The following NLGN1 variants were observed in gnomAD, a reference collection of about 807,000 sequenced individuals.
NLGN1 encodes neuroligin-1.
NLGN1 carries 12 observed loss-of-function variants against 65.5 expected under a neutral mutation model. The ratio of observed to expected loss-of-function variants is 0.18; its 90% confidence interval spans 0.12 to 0.30. The LOEUF (loss-of-function observed/expected upper bound fraction) is 0.30. Ranked by LOEUF, NLGN1 falls within the 10% of genes least tolerant of loss-of-function variation. The probability of loss-of-function intolerance (pLI) is 1.00; values close to 1 mark genes in which losing one functional copy is unlikely to be tolerated. For missense variants in NLGN1, 750 were observed against 1,007.1 expected (o/e 0.74, Z 3.46); for synonymous variants, 350 against 359.5 (o/e 0.97, Z 0.30).
At chr3:173,558,014 T>C (rs576325406) in intron 2 of NLGN1, among the ~76,000 whole-genome samples, 1 of 152,180 alleles carries the variant, frequency 6.6e-6, no homozygotes, top group Admixed American at 6.5e-5. Context: ...CTATACAATT[T>C]TGGATTAACA....
intron 4 of NLGN1, among the ~76,000 whole-genome samples, chr3:173,971,382 C>T (rs550401379): frequency 2.0e-5 from 3 of 151,738 alleles, no homozygotes; most frequent in Non-Finnish European, 2.9e-5. Context: ...GTGATTGAGA[C>T]AAAAAGAAAT....
intron 2 of NLGN1, among the ~76,000 whole-genome samples, chr3:173,534,413 G>C (rs527728866): frequency 1.2e-3 from 188 of 152,090 alleles, no homozygotes; most frequent in African/African-American, 4.2e-3. Flanking sequence ...AAATCACTGG[G>C]GGCTTTTCTT....
chr3:173,906,564 A>G (rs1215429158), intron 4 of NLGN1, among the ~76,000 whole-genome samples: 9 of 152,166 alleles, frequency 5.9e-5, no homozygotes, highest in Non-Finnish European at 2.9e-5. Context: ...TTGTGATAAA[A>G]TTATTACTAT....
intron 4 of NLGN1, among the ~76,000 whole-genome samples, chr3:174,119,491 A>G (rs147830429): frequency 1.3e-3 from 195 of 152,284 alleles, no homozygotes; most frequent in African/African-American, 4.5e-3. Flanking sequence ...TAGACTGGCT[A>G]AATAGTTTCA....
At chr3:173,720,485 A>G (rs905758406) in intron 3 of NLGN1, among the ~76,000 whole-genome samples, 18 of 152,208 alleles carry the variant, frequency 1.2e-4, no homozygotes, top group African/African-American at 3.9e-4. Flanking sequence ...CTTCCAGTAT[A>G]TCACACATTA....
intron 2 of NLGN1, among the ~76,000 whole-genome samples, chr3:173,558,601 G>A (rs1282196706): frequency 6.6e-6 from 1 of 152,086 alleles, no homozygotes. Flanking sequence ...AGTTCATCTA[G>A]TGAATTATTT....
intron 4 of NLGN1, among the ~76,000 whole-genome samples, chr3:173,997,470 C>T (rs1237510025): frequency 6.6e-6 from 1 of 152,132 alleles, no homozygotes; most frequent in Non-Finnish European, 1.5e-5. Context: ...AATACGTTTA[C>T]AGAATTCTAA....
At chr3:173,536,679 T>C (rs1737486742) in intron 2 of NLGN1, among the ~76,000 whole-genome samples, 1 of 152,222 alleles carries the variant, frequency 6.6e-6, no homozygotes, top group Admixed American at 6.5e-5. Flanking sequence ...TGTTGAATAA[T>C]AGCTAGCTGT....
chr3:173,458,714 G>A (rs1007477419), intron 2 of NLGN1, among the ~76,000 whole-genome samples: 3 of 152,056 alleles, frequency 2.0e-5, no homozygotes, highest in Admixed American at 2.0e-4. Flanking sequence ...AGATACAAGT[G>A]ACTTAAGAAA....
chr3:173,645,136 C>T (rs1758042645), intron 3 of NLGN1, among the ~76,000 whole-genome samples: 1 of 152,220 alleles, frequency 6.6e-6, no homozygotes, highest in African/African-American at 2.4e-5. Context: ...TGGCTGGTTC[C>T]ATTAGGCAAC....
At chr3:174,278,752 C>A in intron 5 of NLGN1, 109 bp from the exon 6 acceptor site, 1 of 848,946 alleles carries the variant, frequency 1.2e-6, no homozygotes, top group Non-Finnish European at 1.7e-6. Flanking sequence ...CTCCCTGTTT[C>A]TTGAGCTGTA....
chr3:173,678,986 C>A (rs1029126357), intron 3 of NLGN1, among the ~76,000 whole-genome samples: 4 of 151,672 alleles, frequency 2.6e-5, no homozygotes, highest in Non-Finnish European at 4.4e-5. Context: ...GTAAATGGAG[C>A]AGAGTTTAGT....
At chr3:173,641,494 G>C (rs1037694270) in intron 3 of NLGN1, among the ~76,000 whole-genome samples, 1 of 151,950 alleles carries the variant, frequency 6.6e-6, no homozygotes, top group Non-Finnish European at 1.5e-5. Flanking sequence ...ACAGGGTTTC[G>C]CCATGTTGGC....
intron 3 of NLGN1, among the ~76,000 whole-genome samples, chr3:173,744,858 G>A (rs916159436): frequency 6.6e-6 from 1 of 150,768 alleles, no homozygotes; most frequent in Non-Finnish European, 1.5e-5. Context: ...TTGTTGCTCT[G>A]CTGGGATGGA....
intron 4 of NLGN1, among the ~76,000 whole-genome samples, chr3:174,239,601 TATTA>T (rs1742419898): frequency 6.6e-6 from 1 of 152,228 alleles, no homozygotes; most frequent in Non-Finnish European, 1.5e-5. Context: ...TTTCCTTTTG[TATTA>T]ATTTTTTAAA....
intron 4 of NLGN1, among the ~76,000 whole-genome samples, chr3:173,900,903 C>T (rs978399730): frequency 5.9e-5 from 9 of 151,950 alleles, no homozygotes; most frequent in African/African-American, 1.9e-4. Context: ...AGAAAACTAG[C>T]AATTATGAAA....
chr3:173,974,885 C>T (rs1560757783), intron 4 of NLGN1, among the ~76,000 whole-genome samples: 1 of 152,036 alleles, frequency 6.6e-6, no homozygotes, highest in Non-Finnish European at 1.5e-5. Flanking sequence ...AGCCATGGGT[C>T]ATAAATCATA....
chr3:174,247,390 G>T (rs1743998848), intron 4 of NLGN1, among the ~76,000 whole-genome samples: 1 of 152,116 alleles, frequency 6.6e-6, no homozygotes, highest in Admixed American at 6.6e-5. Flanking sequence ...TTATTATCTG[G>T]CTGAAGGTAG....
In NLGN1 at chr3:173,612,200, T is replaced by G. The variant is rs533351796; in HGVS notation, c.493+7109T>G. Among the ~76,000 whole-genome samples, 5 of 152,226 alleles carry G rather than the reference T, an allele frequency of 3.3e-5. No homozygotes were observed. The South Asian group carries it at 1.0e-3, about 32-fold the overall frequency. On this transcript the variant is annotated intron_variant, in intron 3 of 6. Coordinates refer to ENST00000457714, the Ensembl canonical transcript of NLGN1. ...GCTAGTAACAATTCCGGAGAATCAT[T>G]CTGAGTTTGATCACCTTAAACTCTG...
Sources: allele counts gnomAD v4.1 joint callset (sites outside exome capture counted in the v4.1 genomes callset), GRCh38; gene constraint gnomAD v4.1.1; transcripts MANE v1.5; gene names NCBI Gene and HGNC (gene_info 2026-07-23, HGNC 2026-07-21).